CSMD1: variants seen among roughly 807,000 people sequenced by gnomAD.
CSMD1 encodes CUB and sushi domain-containing protein 1.
CSMD1 carries 213 observed loss-of-function variants against 417.5 expected under a neutral mutation model. The ratio of observed to expected loss-of-function variants is 0.51; its 90% CI spans 0.46 to 0.57. The LOEUF is 0.57. Among genes scored for constraint, CSMD1 ranks in the 20% least tolerant of loss-of-function variants. The probability of loss-of-function intolerance (pLI) is 0.00; values close to 1 mark genes in which losing one functional copy is unlikely to be tolerated. For missense variants in CSMD1, 6,923 were observed against 4,529.7 expected, an observed-to-expected ratio of 1.53 and a Z score of -15.17; for synonymous variants, 2,862 against 1,736.8, an observed-to-expected ratio of 1.65 and a Z score of -16.11.
chr8:3,299,840 C>A (rs527717861), intron 25 of CSMD1, among the ~76,000 whole-genome samples: 19 of 152,204 alleles, frequency 1.2e-4, no homozygotes, highest in African/African-American at 4.3e-4. Context: ...GACTGAAAAG[C>A]CTTTGTCCAG....
chr8:3,208,717 G>A (rs999163091), intron 30 of CSMD1, among the ~76,000 whole-genome samples: 1 of 152,110 alleles, frequency 6.6e-6, no homozygotes, highest in African/African-American at 2.4e-5. Context: ...TAATTTGGGT[G>A]GGCACCATCT....
At chr8:3,125,189 A>G (rs143166762) in intron 41 of CSMD1, among the ~76,000 whole-genome samples, 115 of 152,356 alleles carry the variant, frequency 7.5e-4, no homozygotes, top group Middle Eastern at 6.8e-3. Context: ...ATTCCTGAGT[A>G]TGCTGAAGAA....
intron 1 of CSMD1, among the ~76,000 whole-genome samples, chr8:4,768,268 C>G (rs533350792): frequency 6.6e-6 from 1 of 152,184 alleles, no homozygotes; most frequent in South Asian, 2.1e-4. Flanking sequence ...AGCCCCTAAC[C>G]TCCGAGAGAG....
chr8:3,769,670 CTA>C (rs755219314), intron 5 of CSMD1, among the ~76,000 whole-genome samples: 1 of 151,880 alleles, frequency 6.6e-6, no homozygotes, highest in Non-Finnish European at 1.5e-5. Flanking sequence ...CTTTGTATAT[CTA>C]TATATATATG....
chr8:4,573,034 T>G (rs1180361534), intron 2 of CSMD1, among the ~76,000 whole-genome samples: 1 of 152,148 alleles, frequency 6.6e-6, no homozygotes, highest in African/African-American at 2.4e-5. Context: ...TTTATCAAGG[T>G]TCTTATCTTC....
chr8:3,115,684 T>A (rs2129017935), intron 42 of CSMD1, among the ~76,000 whole-genome samples: 1 of 152,320 alleles, frequency 6.6e-6, no homozygotes, highest in East Asian at 1.9e-4. Flanking sequence ...TATATTAATT[T>A]CATAAAGTAG....
chr8:3,851,048 G>C (rs961672982), intron 5 of CSMD1, among the ~76,000 whole-genome samples: 1 of 152,178 alleles, frequency 6.6e-6, no homozygotes, highest in Non-Finnish European at 1.5e-5. Context: ...ACAATTTGTA[G>C]AAATGAATGT....
At chr8:3,711,087 T>G (rs1035606027) in intron 6 of CSMD1, among the ~76,000 whole-genome samples, 2 of 152,192 alleles carry the variant, frequency 1.3e-5, no homozygotes, top group African/African-American at 4.8e-5. Context: ...ATGTTTGCTA[T>G]ATTTCCTATA....
At chr8:3,843,309 C>T (rs1368695473) in intron 5 of CSMD1, among the ~76,000 whole-genome samples, 1 of 152,138 alleles carries the variant, frequency 6.6e-6, no homozygotes, top group East Asian at 1.9e-4. Context: ...TTATACTAAT[C>T]TTTACCTCAT....
At chr8:4,216,164 C>T (rs532700325) in intron 3 of CSMD1, among the ~76,000 whole-genome samples, 1 of 152,290 alleles carries the variant, frequency 6.6e-6, no homozygotes, top group African/African-American at 2.4e-5. Flanking sequence ...CAGGACAGGA[C>T]CAGCCTATGA....
intron 3 of CSMD1, among the ~76,000 whole-genome samples, chr8:4,281,707 T>C (rs930929954): frequency 9.2e-5 from 14 of 152,222 alleles, no homozygotes; most frequent in Admixed American, 9.2e-4. Flanking sequence ...ACAAGTCATT[T>C]TTTGTATAAA....
At chr8:4,343,352 A>G (rs1800588579) in intron 3 of CSMD1, among the ~76,000 whole-genome samples, 1 of 152,084 alleles carries the variant, frequency 6.6e-6, no homozygotes, top group Non-Finnish European at 1.5e-5. Context: ...GATCTAATAT[A>G]GAACAGTGTG....
chr8:3,975,843 T>C lies in CSMD1; in HGVS notation c.818+22060A>G, dbSNP rs186754364. On this transcript the variant is annotated intron_variant, in intron 5 of 69. Transcript: ENST00000635120. ...AAATACATTCTTCATATAAAATTTT[T>C]AGTTATTGTTGTCCTTCATTTTTCC... Among the ~76,000 whole-genome samples, 398 of 152,348 alleles carry C rather than the reference T, an allele frequency of 2.6e-3. 3 individuals carry two copies. Among genetic ancestry groups the C allele is most frequent in the South Asian group, 6.8e-3 (33 of 4,830 alleles).
chr8:3,181,413 G>T (rs1274993305), intron 36 of CSMD1, among the ~76,000 whole-genome samples, 199 bp from the exon 37 acceptor site: 1 of 152,194 alleles, frequency 6.6e-6, no homozygotes, highest in Admixed American at 6.5e-5. Context: ...CCCATTGTCT[G>T]CTCTGACCTG....
intron 2 of CSMD1, among the ~76,000 whole-genome samples, chr8:4,579,272 T>C (rs1184723903): frequency 1.3e-5 from 2 of 151,130 alleles, no homozygotes; most frequent in Admixed American, 1.3e-4. Context: ...TATATACATA[T>C]ATATATGTAT....
chr8:4,020,597 G>C (rs561316202), intron 4 of CSMD1, among the ~76,000 whole-genome samples: 6 of 152,204 alleles, frequency 3.9e-5, no homozygotes, highest in African/African-American at 1.4e-4. Flanking sequence ...ATTCTCTTAT[G>C]GTAAGAGATC....
chr8:4,119,387 C>G (rs558506556), intron 3 of CSMD1, among the ~76,000 whole-genome samples: 1 of 152,318 alleles, frequency 6.6e-6, no homozygotes, highest in African/African-American at 2.4e-5. Flanking sequence ...TGATCTACTA[C>G]TGATTTTACT....
intron 25 of CSMD1, chr8:3,284,644 C>G (rs1211726927): frequency 5.8e-6 from 2 of 342,090 alleles, no homozygotes; most frequent in Non-Finnish European, 1.1e-5. Context: ...TTCCAGATCT[C>G]TGTATAATTT....
At chr8:3,411,279 A>C (rs1563360225) in intron 12 of CSMD1, among the ~76,000 whole-genome samples, 1 of 152,168 alleles carries the variant, frequency 6.6e-6, no homozygotes, top group Non-Finnish European at 1.5e-5. Flanking sequence ...AGAATTCTTC[A>C]TGGGCTTGCA....
Sources: gnomAD v4.1 joint callset for allele counts (sites outside exome capture counted in the v4.1 genomes callset) on GRCh38, gnomAD v4.1.1 for gene constraint, MANE v1.5 for transcripts, NCBI Gene and HGNC (gene_info 2026-07-23, HGNC 2026-07-21) for gene names.